BEND5: variants seen among roughly 807,000 people sequenced by gnomAD.
BEND5 encodes BEN domain-containing protein 5.
In BEND5, 22 loss-of-function variants were observed where a neutral mutation model predicts 43.9. The ratio of observed to expected loss-of-function variants is 0.50; its 90% CI spans 0.36 to 0.72. The LOEUF is 0.72. BEND5 is among the 30% of genes least tolerant of loss of function. The pLI, the probability that BEND5 is intolerant of heterozygous loss-of-function variation, is 0.00. For synonymous variants in BEND5, 228 were observed against 225.9 expected, an observed-to-expected ratio of 1.01 and a Z score of -0.08; for missense variants, 428 against 550.6, an observed-to-expected ratio of 0.78 and a Z score of 2.23.
intron 1 of BEND5, among the ~76,000 whole-genome samples, chr1:48,764,176 G>A (rs773022217): frequency 6.6e-6 from 1 of 152,194 alleles, no homozygotes; most frequent in Non-Finnish European, 1.5e-5. Flanking sequence ...AGGAGCATGG[G>A]AGATCACTTC....
chr1:48,761,499 C>T, intron 1 of BEND5, 29 bp from the exon 2 acceptor site: 1 of 1,543,120 alleles, frequency 6.5e-7, no homozygotes, highest in Non-Finnish European at 8.7e-7. Flanking sequence ...GAACAAGGTT[C>T]ATCATGAGTT....
intron 3 of BEND5, among the ~76,000 whole-genome samples, chr1:48,753,968 C>A (rs141502285): frequency 6.6e-6 from 1 of 152,202 alleles, no homozygotes; most frequent in Non-Finnish European, 1.5e-5. Flanking sequence ...TGGTGTCACA[C>A]TGCGTACATA....
At chr1:48,760,708 G>C (rs985323825) in intron 2 of BEND5, among the ~76,000 whole-genome samples, 2 of 152,068 alleles carry the variant, frequency 1.3e-5, no homozygotes, top group Admixed American at 6.6e-5. Flanking sequence ...ATCAGACCAT[G>C]GTCAATGCAG....
At chr1:48,773,196 G>C (rs138715590) in intron 1 of BEND5, among the ~76,000 whole-genome samples, 1 of 152,016 alleles carries the variant, frequency 6.6e-6, no homozygotes, top group Admixed American at 6.6e-5. Flanking sequence ...TGCCTAGATA[G>C]AACAACTTAA....
At position 48,736,139 on chromosome 1, in the gene BEND5, G is replaced by C; in HGVS notation, c.1108+100C>G. On this transcript the variant is annotated intron_variant, in intron 5 of 5. Coordinates refer to ENST00000371833, the MANE Select transcript of BEND5 (RefSeq NM_024603.4). The surrounding 1 kb of genome is among the most constrained non-coding windows in gnomAD (Gnocchi z 4.0). ...GGCTCAGCCCAGGGTCTGGCATGCA[G>C]AAGCTTCATAAGTAATCGTTGAATT... is the stretch of plus-strand genomic sequence containing the variant. 1 of 1,372,708 alleles carries C rather than the reference G, an allele frequency of 7.3e-7. No homozygotes were observed. The highest frequency in any genetic ancestry group is 1.0e-6 in the Non-Finnish European group (1 of 973,850). The allele number at this position is 1,372,708 out of a possible 1,614,324, so 85.0% of individuals were successfully genotyped here.
intron 4 of BEND5, among the ~76,000 whole-genome samples, chr1:48,740,256 G>C (rs1027607160): frequency 1.3e-5 from 2 of 152,158 alleles, no homozygotes; most frequent in African/African-American, 4.8e-5. Flanking sequence ...GTCACCTGGA[G>C]CAATGTTCAG....
At chr1:48,762,675 T>A (rs2148665691) in intron 1 of BEND5, among the ~76,000 whole-genome samples, 2 of 151,388 alleles carry the variant, frequency 1.3e-5, no homozygotes, top group South Asian at 4.2e-4. Flanking sequence ...TTTGCATGTG[T>A]TAAACATGCT....
intron 4 of BEND5, among the ~76,000 whole-genome samples, chr1:48,741,562 C>T (rs1014668371): frequency 2.2e-4 from 34 of 152,222 alleles, no homozygotes; most frequent in African/African-American, 4.3e-4. Flanking sequence ...ATGCAGGGAA[C>T]GACACCACAT....
Position 48,736,133 on chromosome 1 carries a change from C to T in BEND5, c.1108+106G>A. ...TCCCCGGGCTCAGCCCAGGGTCTGG[C>T]ATGCAGAAGCTTCATAAGTAATCGT... is the stretch of plus-strand genomic sequence containing the variant. On this transcript the variant is annotated intron_variant, in intron 5 of 5. Transcript: ENST00000371833. The surrounding 1 kb of genome is among the most constrained non-coding windows in gnomAD (Gnocchi z 4.0). 1.5e-6 allele frequency: 2 copies of T among 1,306,472 alleles called. No homozygotes were observed. Among genetic ancestry groups the T allele is most frequent in the Non-Finnish European group, 1.1e-6 (1 of 917,286 alleles). The allele number at this position is 1,306,472 out of a possible 1,614,324, so 80.9% of individuals were successfully genotyped here.
chr1:48,770,082 G>A lies in BEND5; in HGVS notation c.226+6524C>T, dbSNP rs115051105. Among the ~76,000 whole-genome samples the A allele has an allele frequency of 3.4e-3, 517 of 152,246 alleles. 4 individuals carry two copies. The highest frequency in any genetic ancestry group is 0.011 in the African/African-American group (473 of 41,540). ...ATGCTAGAAGCCCTTTCCATTATTT[G>A]TCTGCTCTCTCTGCTGTTATATTGC... is the stretch of plus-strand genomic sequence containing the variant. On this transcript the variant is annotated intron_variant, in intron 1 of 5. Transcript: ENST00000371833.
At chr1:48,730,486 T>A (rs980586931) in intron 5 of BEND5, among the ~76,000 whole-genome samples, 1 of 151,914 alleles carries the variant, frequency 6.6e-6, no homozygotes, top group African/African-American at 2.4e-5. Flanking sequence ...TAATGGCAGG[T>A]AAAGTGGCAA....
intron 1 of BEND5, among the ~76,000 whole-genome samples, chr1:48,769,414 G>T (rs11205537): frequency 0.082 from 12,457 of 152,024 alleles, 629 homozygotes; most frequent in East Asian, 0.17. Flanking sequence ...CCTCACCAGG[G>T]CTGCTGCCAA....
intron 2 of BEND5, 108 bp downstream of exon 2, chr1:48,761,229 T>C (rs1443017533): frequency 8.3e-6 from 10 of 1,201,350 alleles, no homozygotes; most frequent in Non-Finnish European, 1.1e-5. Flanking sequence ...TAGCCTGTGA[T>C]ACCAGGGGAC....
In BEND5 at chr1:48,727,997, T is replaced by C. The variant is rs1647445168; in HGVS notation, c.1155A>G (p.Glu385=). Residue 385 remains glutamate (E), a synonymous_variant, in exon 6 of 6, where the codon GAA becomes GAG. Transcript: ENST00000371833. ...TGACTTTGGAGAGTCTCTGTGCAATTTCAGTTTCATCCACAGTTTCTTGTG... is the reference window on the plus strand; with the variant it reads ...TGACTTTGGAGAGTCTCTGTGCAATCTCAGTTTCATCCACAGTTTCTTGTG... ...RIAQETVDET[E]IAQRLSKVNK... 3.7e-6 allele frequency: 6 copies of C among 1,612,352 alleles called. No individual in the cohort carries two copies. Among genetic ancestry groups the C allele is most frequent in the South Asian group, 3.3e-5 (3 of 90,848 alleles).
Position 48,755,899 on chromosome 1 carries a change from A to C in BEND5, c.745+3001T>G, listed in dbSNP as rs192637934. Among the ~76,000 whole-genome samples, 157 of 152,332 alleles carry C rather than the reference A, an allele frequency of 1.0e-3. 3 individuals are homozygous for C. In the South Asian group the frequency reaches 0.026, roughly 25 times the overall value. ...TGATTGAATAAACAAATGAACAAAC[A>C]TATATAACCCCTCTTATCTTCAATA... is the stretch of plus-strand genomic sequence containing the variant. On this transcript the variant is annotated intron_variant, in intron 3 of 5. Transcript: ENST00000371833.
intron 3 of BEND5, among the ~76,000 whole-genome samples, chr1:48,743,302 CCT>C (rs1456156991): frequency 1.3e-5 from 2 of 152,094 alleles, no homozygotes; most frequent in African/African-American, 4.8e-5. Flanking sequence ...ACATTAAGCC[CCT>C]GATTGCCTGA....
intron 1 of BEND5, among the ~76,000 whole-genome samples, chr1:48,762,445 T>C (rs1331246138): frequency 6.6e-6 from 1 of 152,198 alleles, no homozygotes; most frequent in African/African-American, 2.4e-5. Context: ...TGTCCCCTTG[T>C]GGTAAAATAC....
At chr1:48,730,408 T>A (rs964819626) in intron 5 of BEND5, among the ~76,000 whole-genome samples, 2 of 152,236 alleles carry the variant, frequency 1.3e-5, no homozygotes, top group African/African-American at 4.8e-5. Flanking sequence ...TCTACGAAAG[T>A]AGCATTTCAA....
At chr1:48,749,951 C>A (rs1345461973) in intron 3 of BEND5, among the ~76,000 whole-genome samples, 1 of 152,148 alleles carries the variant, frequency 6.6e-6, no homozygotes, top group African/African-American at 2.4e-5. Flanking sequence ...GTGGGGTGGG[C>A]AGCATAAGGG....
Sources: allele counts gnomAD v4.1 joint callset (sites outside exome capture counted in the v4.1 genomes callset), GRCh38; gene constraint gnomAD v4.1.1; non-coding constraint Gnocchi (gnomAD v3.1); transcripts MANE v1.5; gene names NCBI Gene and HGNC (gene_info 2026-07-23, HGNC 2026-07-21).